Variants in LRP6 observed in about 807,000 individuals in gnomAD.
The protein encoded by LRP6 is LDL receptor related protein 6.
A neutral mutation model predicts 184.1 loss-of-function variants in LRP6; 43 were observed. The observed-to-expected ratio is 0.23, with a 90% CI of 0.18 to 0.30. LRP6 has a LOEUF of 0.30. Ranked by LOEUF, LRP6 falls within the 10% of genes least tolerant of loss-of-function variation. The pLI, the probability that LRP6 is intolerant of heterozygous loss-of-function variation, is 1.00. For missense variants in LRP6, 1,571 were observed against 2,005.3 expected (o/e 0.78, Z 4.14); for synonymous variants, 719 against 684.9 (o/e 1.05, Z -0.78).
chr12:12,144,509 T>C (rs1949975475), intron 15 of LRP6, among the ~76,000 whole-genome samples: 2 of 152,074 alleles, frequency 1.3e-5, no homozygotes, highest in Admixed American at 6.6e-5. Flanking sequence ...GGTGTGGTGG[T>C]GTGTGCCCAT....
Position 12,179,361 on chromosome 12 carries a change from A to AAGATATATATAT in LRP6, c.1545+448_1545+449insATATATATATCT, listed in dbSNP as rs1420407783. ...CCCCAACACCAGTTAACAGCAATAA[A>AAGATATATATAT]AGATATAGATATAGATATAGATATA... On this transcript the variant is annotated intron_variant, in intron 7 of 22. Coordinates refer to ENST00000261349, the MANE Select transcript of LRP6 (RefSeq NM_002336.3). Among the ~76,000 whole-genome samples, 226 of 83,890 alleles carry AAGATATATATAT rather than the reference A, an allele frequency of 2.7e-3. 1 individual carries two copies. The highest frequency in any genetic ancestry group is 7.0e-3 in the African/African-American group (202 of 28,680). The allele number at this position is 83,890 out of a possible 152,430, so 55.0% of individuals were successfully genotyped here.
chr12:12,126,073 T>C (rs1013538713), intron 20 of LRP6, among the ~76,000 whole-genome samples: 2 of 152,168 alleles, frequency 1.3e-5, no homozygotes, highest in Non-Finnish European at 1.5e-5. Context: ...GCCTTCTCCA[T>C]ATTCATTAAA....
intron 19 of LRP6, 144 bp from the exon 20 acceptor site, chr12:12,127,065 C>T: frequency 2.8e-6 from 2 of 706,878 alleles, no homozygotes; most frequent in East Asian, 2.7e-5. Flanking sequence ...TTTATGAGTA[C>T]ATACATACCA....
rs1949579690 is a variant in LRP6 at position 12,120,013 on chromosome 12, ATATATATATATATATATATATATATATAT to A, written c.*1084_*1112del. On this transcript the variant is annotated 3_prime_UTR_variant, in exon 23 of 23. Coordinates refer to ENST00000261349, the MANE Select transcript of LRP6 (RefSeq NM_002336.3). ...AAAATATATATATATATATATATAT[ATATATATATATATATATATATATATATAT>A]AAATGATTTCGTACTGTGATATATG... 1 of 104,088 alleles carries A rather than the reference ATATATATATATATATATATATATATATAT, an allele frequency of 9.6e-6. No individual in the cohort carries two copies. The highest frequency in any genetic ancestry group is 3.4e-5 in the African/African-American group (1 of 29,798). The allele number at this position is 104,088 out of a possible 1,614,324, so 6.4% of individuals were successfully genotyped here.
rs1339744050 is a variant in LRP6, at chr12:12,121,018, A to G, written c.*108T>C. The G allele has an allele frequency of 3.3e-6, 3 of 899,176 alleles. No homozygotes were observed. Among genetic ancestry groups the G allele is most frequent in the Non-Finnish European group, 5.0e-6 (3 of 599,350 alleles). The allele number at this position is 899,176 out of a possible 1,614,324, so 55.7% of individuals were successfully genotyped here. On this transcript the variant is annotated 3_prime_UTR_variant, in exon 23 of 23. Coordinates refer to ENST00000261349, the MANE Select transcript of LRP6 (RefSeq NM_002336.3). ...CCCCATTTTATAATTTTAACTGTAC[A>G]TGGTCTGCCTCATCCTTCTCTAATA...
chr12:12,169,183 C>A (rs1047941406), intron 7 of LRP6, among the ~76,000 whole-genome samples: 5 of 151,668 alleles, frequency 3.3e-5, no homozygotes, highest in Non-Finnish European at 5.9e-5. Context: ...GAGCCAAGAT[C>A]GCACCATTGC....
chr12:12,126,853 T>A lies in LRP6; in HGVS notation c.4150A>T (p.Ile1384Phe). The A allele has an allele frequency of 6.2e-7, 1 of 1,614,108 alleles. No individual in the cohort carries two copies. Among genetic ancestry groups the A allele is most frequent in the Non-Finnish European group, 8.5e-7 (1 of 1,179,984 alleles). Residue 1384 changes from isoleucine to phenylalanine, a missense_variant, in exon 20 of 23, where the codon ATT (isoleucine) becomes TTT (phenylalanine). Around this residue, in one of 4 missense-constraint regions of LRP6, gnomAD observed 763 missense variants for 859.5 expected, o/e 0.89. Coordinates refer to ENST00000261349, the MANE Select transcript of LRP6 (RefSeq NM_002336.3). ...VGSVIGVIVT[I>F]FVSGTVYFIC... ...AAGTATACAGTTCCAGACACAAAAA[T>A]GGTGACAATTACGCCAATAACAGAA... is the stretch of plus-strand genomic sequence containing the variant.
rs1949577337 is a variant in LRP6, at chr12:12,119,993, ATAT to A, written c.*1130_*1132del. The A allele has an allele frequency of 2.4e-4, 3 of 12,562 alleles. No individual in the cohort carries two copies. The highest frequency in any genetic ancestry group is 3.1e-3 in the South Asian group (1 of 320). 0.8% of individuals were successfully genotyped at this position (12,562 alleles called of 1,614,324 possible). A position where few individuals can be genotyped will look rare whatever the true frequency, so the allele number is the denominator to read the frequency against. On this transcript the variant is annotated 3_prime_UTR_variant, in exon 23 of 23. Transcript: ENST00000261349. ...CAGAAAACAAACAAACAAACAAAAT[ATAT>A]ATATATATATATATATATATATATA...
intron 2 of LRP6, among the ~76,000 whole-genome samples, chr12:12,235,997 G>A (rs184388711): frequency 1.1e-4 from 17 of 152,150 alleles, no homozygotes; most frequent in Admixed American, 2.0e-4. Flanking sequence ...AGGCCGAGGC[G>A]GGCGGATCAC....
intron 12 of LRP6, among the ~76,000 whole-genome samples, chr12:12,154,025 T>C (rs1422183580): frequency 1.3e-5 from 2 of 152,220 alleles, no homozygotes; most frequent in East Asian, 3.8e-4. Context: ...CATACACCTG[T>C]AGGGCTAAAT....
intron 9 of LRP6, 145 bp downstream of exon 9, chr12:12,164,128 T>TAAA (rs770056510): frequency 1.1e-3 from 678 of 604,350 alleles, no homozygotes; most frequent in Middle Eastern, 1.4e-3. Flanking sequence ...AGACACCGTT[T>TAAA]AAAAAAAAAA....
At position 12,158,959 on chromosome 12, in the gene LRP6, C is replaced by T. The variant is rs1457576908; in HGVS notation, c.2661G>A (p.Gln887=). 4 of 1,614,118 alleles carry T rather than the reference C, an allele frequency of 2.5e-6. No individual in the cohort carries two copies. The highest frequency in any genetic ancestry group is 2.7e-5 in the African/African-American group (2 of 74,936). Residue 887 remains glutamine (Q), a synonymous_variant, in exon 12 of 23, where the codon CAG becomes CAA. Coordinates refer to ENST00000261349, the MANE Select transcript of LRP6 (RefSeq NM_002336.3). ...TGGAAGCACATTCATTCCACCCTGA[C>T]TGTCGAGATGAGTGAAAGACGAGGA... is the stretch of plus-strand genomic sequence containing the variant. ...MDILVFHSSR[Q]SGWNECASSN... is the part of the protein sequence containing the mutation.
At chr12:12,211,495 T>C (rs538867951) in intron 2 of LRP6, among the ~76,000 whole-genome samples, 1 of 152,290 alleles carries the variant, frequency 6.6e-6, no homozygotes, top group South Asian at 2.1e-4. Context: ...GACGGTAAGA[T>C]GATGAGTTCA....
At chr12:12,132,916 A>G (rs1261999912) in intron 17 of LRP6, among the ~76,000 whole-genome samples, 1 of 152,206 alleles carries the variant, frequency 6.6e-6, no homozygotes, top group Non-Finnish European at 1.5e-5. Flanking sequence ...ATTATACAGT[A>G]GTTATTTACA....
intron 1 of LRP6, among the ~76,000 whole-genome samples, chr12:12,264,794 G>A (rs564508408): frequency 6.6e-6 from 1 of 152,278 alleles, no homozygotes; most frequent in East Asian, 1.9e-4. Flanking sequence ...GTACAGTACT[G>A]TTACATATTA....
intron 2 of LRP6, among the ~76,000 whole-genome samples, chr12:12,203,619 G>T (rs1030489008): frequency 6.6e-6 from 1 of 152,050 alleles, no homozygotes; most frequent in Non-Finnish European, 1.5e-5. Flanking sequence ...ACAAAAATTA[G>T]CTGGGCATGG....
chr12:12,239,497 AAC>A lies in LRP6; in HGVS notation c.449+4763_449+4764del, dbSNP rs550223097. Among the ~76,000 whole-genome samples, 238 of 152,272 alleles carry A rather than the reference AAC, an allele frequency of 1.6e-3. No individual in the cohort carries two copies. The Middle Eastern group carries it at 0.02, about 13-fold the overall frequency. On this transcript the variant is annotated intron_variant, in intron 2 of 22. Transcript: ENST00000261349. Reference sequence around the variant, plus strand: ...CAATATCAATTGTTACAAAAATAAAAACAGTCATATTTTATTCCTAGTTCACA... The same window carrying A: ...CAATATCAATTGTTACAAAAATAAAAAGTCATATTTTATTCCTAGTTCACA...
At chr12:12,173,868 A>G (rs1386203014) in intron 7 of LRP6, among the ~76,000 whole-genome samples, 2 of 152,250 alleles carry the variant, frequency 1.3e-5, no homozygotes, top group South Asian at 4.1e-4. Flanking sequence ...ACAACAGGCC[A>G]GCACCAGGTT....
intron 1 of LRP6, chr12:12,249,016 A>T: frequency 3.2e-6 from 2 of 619,150 alleles, no homozygotes; most frequent in Non-Finnish European, 5.8e-6. Context: ...GCTCGGGGGT[A>T]AAAGTCCCTT....
Sources: gnomAD v4.1 joint callset for allele counts (sites outside exome capture counted in the v4.1 genomes callset) on GRCh38, gnomAD v4.1.1 for gene constraint, gnomAD v4.1.1 regional missense constraint, MANE v1.5 for transcripts, NCBI Gene and HGNC (gene_info 2026-07-23, HGNC 2026-07-21) for gene names.